DLC1: variants seen among roughly 807,000 people sequenced by gnomAD.
The protein encoded by DLC1 is rho GTPase-activating protein 7.
DLC1 carries 54 observed loss-of-function variants against 140.3 expected under a neutral mutation model. That is an observed-to-expected ratio of 0.38 (90% CI 0.31 to 0.48). The LOEUF (loss-of-function observed/expected upper bound fraction) is 0.48. Among genes scored for constraint, DLC1 ranks in the 20% least tolerant of loss-of-function variants. The pLI is 0.96. For synonymous variants in DLC1, 986 were observed against 728.1 expected (o/e 1.35, Z -5.70); for missense variants, 2,536 against 1,907.0 (o/e 1.33, Z -6.14).
intron 2 of DLC1, among the ~76,000 whole-genome samples, chr8:13,448,370 T>C (rs1485047406): frequency 3.3e-5 from 3 of 92,136 alleles, no homozygotes; most frequent in African/African-American, 1.1e-4. Context: ...CTTCTTCTTC[T>C]TTTTTTTTTT....
chr8:13,473,417 A>G (rs895266303), intron 2 of DLC1, among the ~76,000 whole-genome samples: 13 of 152,116 alleles, frequency 8.5e-5, no homozygotes, highest in Admixed American at 6.6e-4. Context: ...GTTTTGCCTG[A>G]TGCTATCCAT....
At chr8:13,272,973 A>G (rs754144907) in intron 5 of DLC1, among the ~76,000 whole-genome samples, 1 of 152,346 alleles carries the variant, frequency 6.6e-6, no homozygotes, top group East Asian at 1.9e-4. Context: ...CATTCACGGT[A>G]TACTAGTACA....
chr8:13,515,995 T>C (rs962069709), upstream of DLC1, among the ~76,000 whole-genome samples: 10 of 152,148 alleles, frequency 6.6e-5, no homozygotes, highest in East Asian at 3.9e-4. Context: ...TTTTGGGACA[T>C]CCAGGCTGTG....
chr8:13,233,110 C>A (rs2583102), intron 5 of DLC1, among the ~76,000 whole-genome samples: 1 of 151,484 alleles, frequency 6.6e-6, no homozygotes, highest in African/African-American at 2.4e-5. Context: ...GCCTGGCCAA[C>A]ATGGCAAAAT....
intron 5 of DLC1, among the ~76,000 whole-genome samples, chr8:13,268,274 AGAG>A (rs1384096574): frequency 2.0e-5 from 3 of 152,230 alleles, no homozygotes; most frequent in Admixed American, 1.3e-4. Flanking sequence ...TGTCTTATAA[AGAG>A]GAGAATGGCC....
At chr8:13,177,685 A>G (rs533575882) in intron 5 of DLC1, among the ~76,000 whole-genome samples, 1 of 152,342 alleles carries the variant, frequency 6.6e-6, no homozygotes, top group Non-Finnish European at 1.5e-5. Flanking sequence ...CTATATTTCT[A>G]TTCATTTTTG....
intron 2 of DLC1, among the ~76,000 whole-genome samples, chr8:13,411,899 A>T (rs17092948): frequency 1.3e-5 from 2 of 152,034 alleles, no homozygotes; most frequent in East Asian, 3.9e-4. Context: ...GAGACCATAT[A>T]ATTTCATCCA....
intron 5 of DLC1, among the ~76,000 whole-genome samples, chr8:13,154,493 G>C (rs12549687): frequency 0.051 from 7,763 of 152,296 alleles, 288 homozygotes; most frequent in Middle Eastern, 0.075. Flanking sequence ...TGCTCCGAGT[G>C]CGGGGCCTGC....
At position 13,435,401 on chromosome 8, in the gene DLC1, C is replaced by T. The variant is rs546278973; in HGVS notation, c.1024-33782G>A. On this transcript the variant is annotated intron_variant, in intron 2 of 17. Coordinates refer to ENST00000276297, the MANE Select transcript of DLC1 (RefSeq NM_182643.3). ...CGATCTCGGCTCACTGCAAACTCCACCTCCCGGGTTCAAGCAATTCTCCTG... is the reference window on the plus strand; with the variant it reads ...CGATCTCGGCTCACTGCAAACTCCATCTCCCGGGTTCAAGCAATTCTCCTG... Among the ~76,000 whole-genome samples the T allele has an allele frequency of 3.9e-5, 6 of 152,262 alleles. No individual in the cohort carries two copies. In the East Asian group the frequency reaches 5.8e-4, roughly 15 times the overall value.
chr8:13,427,843 C>G (rs1838662773), intron 2 of DLC1, among the ~76,000 whole-genome samples: 1 of 152,216 alleles, frequency 6.6e-6, no homozygotes, highest in Non-Finnish European at 1.5e-5. Flanking sequence ...CTTTATTAGA[C>G]TGAAGCTCTG....
At chr8:13,265,330 A>T (rs1261362184) in intron 5 of DLC1, among the ~76,000 whole-genome samples, 1 of 152,222 alleles carries the variant, frequency 6.6e-6, no homozygotes, top group Non-Finnish European at 1.5e-5. Flanking sequence ...TACTTTAAAT[A>T]AAAAATGGTA....
chr8:13,587,352 C>G (rs566041102), intron 1 of DLC1, among the ~76,000 whole-genome samples: 2 of 151,974 alleles, frequency 1.3e-5, no homozygotes, highest in South Asian at 2.1e-4. Context: ...TTCACCTCCT[C>G]CATCTGGAAC....
chr8:13,585,916 T>A, intron 1 of DLC1, among the ~76,000 whole-genome samples: 1 of 152,346 alleles, frequency 6.6e-6, no homozygotes, highest in South Asian at 2.1e-4. Flanking sequence ...TTTGGAGGGA[T>A]ATAATTCAAA....
chr8:13,581,124 A>G (rs531106701), intron 1 of DLC1, among the ~76,000 whole-genome samples: 12 of 152,358 alleles, frequency 7.9e-5, no homozygotes, highest in African/African-American at 2.9e-4. Flanking sequence ...TTTGCAAGGA[A>G]TTAAGACATC....
intron 5 of DLC1, among the ~76,000 whole-genome samples, chr8:13,211,456 C>A (rs1827939725): frequency 6.6e-6 from 1 of 152,138 alleles, no homozygotes; most frequent in South Asian, 2.1e-4. Context: ...ACTGTCAGCT[C>A]ACACTTGCAT....
intron 5 of DLC1, chr8:13,276,247 C>T (rs1223631011): frequency 2.0e-6 from 3 of 1,535,196 alleles, no homozygotes; most frequent in Non-Finnish European, 2.6e-6. Flanking sequence ...TCTCCAATCC[C>T]CCTCTGCCTC....
intron 1 of DLC1, among the ~76,000 whole-genome samples, chr8:13,543,251 A>G (rs1803545842): frequency 6.6e-6 from 1 of 152,198 alleles, no homozygotes; most frequent in Non-Finnish European, 1.5e-5. Flanking sequence ...TGTTAGCCAT[A>G]AAAATAATAC....
chr8:13,564,783 G>A (rs1003298306), intron 1 of DLC1, among the ~76,000 whole-genome samples: 2 of 152,164 alleles, frequency 1.3e-5, no homozygotes, highest in Non-Finnish European at 2.9e-5. Flanking sequence ...CCTTGGCCCT[G>A]CTCTCTGATA....
At chr8:13,458,660 A>G (rs1009467295) in intron 2 of DLC1, among the ~76,000 whole-genome samples, 1 of 152,212 alleles carries the variant, frequency 6.6e-6, no homozygotes, top group African/African-American at 2.4e-5. Flanking sequence ...GTCACTTCGT[A>G]TGTCAGTAGG....
Sources: gnomAD v4.1 joint callset for allele counts (sites outside exome capture counted in the v4.1 genomes callset) on GRCh38, gnomAD v4.1.1 for gene constraint, MANE v1.5 for transcripts, NCBI Gene and HGNC (gene_info 2026-07-23, HGNC 2026-07-21) for gene names.